GRIK2: variants seen among roughly 807,000 people sequenced by gnomAD.
GRIK2 encodes glutamate receptor ionotropic, kainate 2.
A neutral mutation model predicts 100.3 loss-of-function variants in GRIK2; 32 were observed. The ratio of observed to expected loss-of-function variants is 0.32; its 90% CI spans 0.24 to 0.43. GRIK2 has a LOEUF of 0.43. Among genes scored for constraint, GRIK2 ranks in the 20% least tolerant of loss-of-function variants. The probability of loss-of-function intolerance (pLI) is 1.00; values close to 1 mark genes in which losing one functional copy is unlikely to be tolerated. For synonymous variants in GRIK2, 417 were observed against 389.4 expected, an observed-to-expected ratio of 1.07 and a Z score of -0.83; for missense variants, 843 against 1,114.9, an observed-to-expected ratio of 0.76 and a Z score of 3.47.
chr6:101,546,931 C>T (rs543378678), intron 2 of GRIK2, among the ~76,000 whole-genome samples: 1 of 143,574 alleles, frequency 7.0e-6, no homozygotes, highest in Non-Finnish European at 1.5e-5. Context: ...CCCGGGTTCA[C>T]GCCATTCTCC....
chr6:101,396,530 A>C (rs1775016943), intron 1 of GRIK2, among the ~76,000 whole-genome samples: 1 of 152,214 alleles, frequency 6.6e-6, no homozygotes, highest in African/African-American at 2.4e-5. Context: ...ATTACAAAAA[A>C]AGATAACTAC....
At chr6:101,575,163 G>A (rs987520907) in intron 2 of GRIK2, among the ~76,000 whole-genome samples, 2 of 151,620 alleles carry the variant, frequency 1.3e-5, no homozygotes, top group African/African-American at 2.4e-5. Flanking sequence ...TAGGTACAAC[G>A]AAATTCTCCC....
At chr6:102,061,743 TAAGA>T (rs746516610) in intron 16 of GRIK2, among the ~76,000 whole-genome samples, 13 of 150,566 alleles carry the variant, frequency 8.6e-5, no homozygotes, top group Non-Finnish European at 1.6e-4. Context: ...AAGAATTAAT[TAAGA>T]TAGTTAATAT....
chr6:101,745,602 T>C (rs1387101260), intron 7 of GRIK2, among the ~76,000 whole-genome samples: 1 of 152,196 alleles, frequency 6.6e-6, no homozygotes, highest in Non-Finnish European at 1.5e-5. Flanking sequence ...TTAGTTTTCT[T>C]TCAACTAGTC....
At chr6:101,867,765 A>T (rs1785146456) in intron 11 of GRIK2, among the ~76,000 whole-genome samples, 1 of 151,176 alleles carries the variant, frequency 6.6e-6, no homozygotes, top group Non-Finnish European at 1.5e-5. Flanking sequence ...ATTTATATAT[A>T]TTTTTAAATT....
chr6:101,534,992 A>T (rs1411516185), intron 2 of GRIK2, among the ~76,000 whole-genome samples: 1 of 151,666 alleles, frequency 6.6e-6, no homozygotes, highest in South Asian at 2.1e-4. Flanking sequence ...GTTTGACATT[A>T]TTTTGCTGAG....
intron 14 of GRIK2, among the ~76,000 whole-genome samples, chr6:102,012,734 G>C (rs561318013): frequency 4.7e-4 from 72 of 152,068 alleles, no homozygotes; most frequent in African/African-American, 1.6e-3. Context: ...TTGGTTCCAA[G>C]AGGGGGTTGT....
chr6:101,676,332 A>G (rs1770837897), intron 4 of GRIK2, among the ~76,000 whole-genome samples: 1 of 152,154 alleles, frequency 6.6e-6, no homozygotes, highest in Admixed American at 6.5e-5. Context: ...AATGTCTTAA[A>G]GAATTTGAGA....
chr6:101,842,982 AT>A (rs1783605338), intron 10 of GRIK2, among the ~76,000 whole-genome samples: 1 of 152,230 alleles, frequency 6.6e-6, no homozygotes, highest in South Asian at 2.1e-4. Context: ...TGTTCAGTGA[AT>A]TAAAAGAAAT....
intron 7 of GRIK2, among the ~76,000 whole-genome samples, chr6:101,718,553 A>C (rs1774225992): frequency 6.6e-6 from 1 of 151,956 alleles, no homozygotes. Context: ...AAAAGATTAA[A>C]AGATTATAAA....
intron 11 of GRIK2, among the ~76,000 whole-genome samples, chr6:101,872,581 G>A (rs1019229969): frequency 4.6e-5 from 7 of 151,570 alleles, no homozygotes; most frequent in Admixed American, 4.6e-4. Context: ...ATTTGGGTGG[G>A]GACACAGCCA....
intron 2 of GRIK2, among the ~76,000 whole-genome samples, chr6:101,407,475 A>C (rs1775653342): frequency 6.6e-6 from 1 of 151,894 alleles, no homozygotes; most frequent in Non-Finnish European, 1.5e-5. Flanking sequence ...GTAGCCTCTG[A>C]CTCCCTGTGC....
chr6:101,666,546 C>T (rs1011818282), intron 4 of GRIK2, among the ~76,000 whole-genome samples: 1 of 152,190 alleles, frequency 6.6e-6, no homozygotes, highest in African/African-American at 2.4e-5. Flanking sequence ...CCCAAATAAA[C>T]AAAAGCACTC....
At chr6:101,742,081 A>G (rs774108234) in intron 7 of GRIK2, among the ~76,000 whole-genome samples, 29 of 152,376 alleles carry the variant, frequency 1.9e-4, no homozygotes, top group Non-Finnish European at 3.2e-4. Flanking sequence ...TTAATAAGCT[A>G]TCATACAATT....
chr6:101,404,087 GC>G (rs1775478762), intron 2 of GRIK2, among the ~76,000 whole-genome samples: 1 of 152,162 alleles, frequency 6.6e-6, no homozygotes, highest in Admixed American at 6.5e-5. Flanking sequence ...ACATTTTCTG[GC>G]TTTGTGAGAT....
chr6:102,038,410 G>A (rs892661798), intron 15 of GRIK2, among the ~76,000 whole-genome samples: 43 of 151,392 alleles, frequency 2.8e-4, no homozygotes, highest in African/African-American at 9.9e-4. Context: ...TGCATCGTCT[G>A]GATGAGACTC....
chr6:101,771,803 G>A (rs950767156), intron 7 of GRIK2, among the ~76,000 whole-genome samples: 17 of 150,316 alleles, frequency 1.1e-4, no homozygotes, highest in Non-Finnish European at 2.1e-4. Flanking sequence ...TTGTCCTTGC[G>A]ATAGTTTGCT....
intron 7 of GRIK2, among the ~76,000 whole-genome samples, chr6:101,784,505 A>G (rs1240740656): frequency 6.6e-5 from 10 of 152,200 alleles, no homozygotes. Flanking sequence ...TGGGGAAGGC[A>G]TGATTGGTTT....
chr6:102,051,247 CCCTCCCTT>C (rs1282296202), intron 15 of GRIK2, among the ~76,000 whole-genome samples: 2 of 113,162 alleles, frequency 1.8e-5, no homozygotes, highest in African/African-American at 6.7e-5. Flanking sequence ...CTGCTTCCCT[CCCTCCCTT>C]CCTTCCTTCC....
Sources: gnomAD v4.1 joint callset for allele counts (sites outside exome capture counted in the v4.1 genomes callset) on GRCh38, gnomAD v4.1.1 for gene constraint, MANE v1.5 for transcripts, NCBI Gene and HGNC (gene_info 2026-07-23, HGNC 2026-07-21) for gene names.